The following CNTNAP4 variants were observed in gnomAD, a reference collection of about 807,000 sequenced individuals.
CNTNAP4 encodes the protein contactin associated protein family member 4.
CNTNAP4 carries 98 observed loss-of-function variants against 148.4 expected under a neutral mutation model. The observed-to-expected ratio is 0.66, with a 90% CI of 0.56 to 0.78. The LOEUF (loss-of-function observed/expected upper bound fraction) is 0.78. CNTNAP4 is among the 30% of genes least tolerant of loss of function. The pLI is 0.00. For synonymous variants in CNTNAP4, 730 were observed against 565.1 expected, an observed-to-expected ratio of 1.29 and a Z score of -4.14; for missense variants, 1,935 against 1,565.6, an observed-to-expected ratio of 1.24 and a Z score of -3.98.
chr16:76,372,014 G>A (rs1257626018), intron 3 of CNTNAP4, among the ~76,000 whole-genome samples: 1 of 152,108 alleles, frequency 6.6e-6, no homozygotes, highest in African/African-American at 2.4e-5. Context: ...TTTCCAGGGA[G>A]TCTCTGCATT....
intron 2 of CNTNAP4, among the ~76,000 whole-genome samples, chr16:76,352,292 G>A (rs1309482922): frequency 1.3e-5 from 2 of 152,080 alleles, no homozygotes; most frequent in African/African-American, 4.8e-5. Flanking sequence ...ATAGGACAGT[G>A]GAGAGAAAAA....
At chr16:76,504,309 T>C (rs1437956907) in intron 15 of CNTNAP4, among the ~76,000 whole-genome samples, 1 of 152,102 alleles carries the variant, frequency 6.6e-6, no homozygotes, top group African/African-American at 2.4e-5. Context: ...ACATGGTTGC[T>C]TGACTTTTTA....
At chr16:76,302,329 C>T (rs1015555025) in intron 1 of CNTNAP4, among the ~76,000 whole-genome samples, 2 of 152,142 alleles carry the variant, frequency 1.3e-5, no homozygotes, top group South Asian at 4.1e-4. Context: ...CCTATGATCT[C>T]ATCTAAGGCT....
intron 2 of CNTNAP4, among the ~76,000 whole-genome samples, chr16:76,341,026 C>T (rs1404306241): frequency 3.9e-5 from 6 of 152,170 alleles, no homozygotes; most frequent in Admixed American, 2.0e-4. Flanking sequence ...CCAACTATTT[C>T]GGACAAATTG....
intron 3 of CNTNAP4, among the ~76,000 whole-genome samples, chr16:76,417,548 A>C (rs2079033047): frequency 6.6e-6 from 1 of 151,674 alleles, no homozygotes; most frequent in African/African-American, 2.4e-5. Flanking sequence ...TTTGCAATAA[A>C]AATTAAATTC....
chr16:76,460,773 A>AAAAAAAAAAAAAAAAATAT, intron 8 of CNTNAP4, among the ~76,000 whole-genome samples: 1 of 57,322 alleles, frequency 1.7e-5, no homozygotes, highest in Non-Finnish European at 3.3e-5. Flanking sequence ...AAAAAAAAAA[A>AAAAAAAAAAAAAAAAATAT]ATATATATAT....
intron 21 of CNTNAP4, among the ~76,000 whole-genome samples, chr16:76,548,923 AT>A (rs2084850118): frequency 1.3e-5 from 2 of 152,208 alleles, no homozygotes; most frequent in Admixed American, 1.3e-4. Context: ...AGCTTTGCTT[AT>A]GAGCAACTTA....
chr16:76,281,922 T>G (rs1435491950), intron 1 of CNTNAP4, among the ~76,000 whole-genome samples: 1 of 151,988 alleles, frequency 6.6e-6, no homozygotes, highest in African/African-American at 2.4e-5. Context: ...ATATTAGTAT[T>G]ATATTTTGAA....
intron 1 of CNTNAP4, among the ~76,000 whole-genome samples, chr16:76,296,083 T>G (rs936716984): frequency 1.3e-5 from 2 of 152,242 alleles, no homozygotes; most frequent in African/African-American, 4.8e-5. Context: ...TGAGATTGTG[T>G]GTGATTTCTA....
At chr16:76,402,718 G>A (rs78587129) in intron 3 of CNTNAP4, among the ~76,000 whole-genome samples, 6,307 of 152,118 alleles carry the variant, frequency 0.041, 465 homozygotes, top group African/African-American at 0.15. Flanking sequence ...CCTTAGCTGC[G>A]TCCCAGAGAT....
intron 9 of CNTNAP4, 133 bp from the exon 10 acceptor site, chr16:76,467,219 T>G: frequency 1.4e-6 from 1 of 723,070 alleles, no homozygotes; most frequent in Non-Finnish European, 2.2e-6. Flanking sequence ...TAATAATGAC[T>G]GCAGTCATTA....
chr16:76,427,170 A>T lies in CNTNAP4; in HGVS notation c.391-282A>T, dbSNP rs1299818391. Among the ~76,000 whole-genome samples the T allele has an allele frequency of 2.0e-5, 3 of 152,300 alleles. No homozygotes were observed. In the East Asian group the frequency reaches 5.8e-4, roughly 29 times the overall value. On this transcript the variant is annotated intron_variant, in intron 3 of 23. Coordinates refer to ENST00000611870, the MANE Select transcript of CNTNAP4 (RefSeq NM_033401.5). ...CATGGCACATTTTTACGTTTAATCT[A>T]CACTTTACAGAAGCAATTTTTGTTA...
At chr16:76,408,951 A>G (rs181172579) in intron 3 of CNTNAP4, among the ~76,000 whole-genome samples, 288 of 152,126 alleles carry the variant, frequency 1.9e-3, no homozygotes, top group African/African-American at 6.0e-3. Context: ...GCTTATTCCT[A>G]TTCTTACAGA....
chr16:76,383,263 C>G (rs2016171793), intron 3 of CNTNAP4, among the ~76,000 whole-genome samples: 2 of 151,596 alleles, frequency 1.3e-5, no homozygotes, highest in Non-Finnish European at 2.9e-5. Context: ...AATAATGTAC[C>G]TAGAGAACAT....
chr16:76,430,720 T>G (rs903144385), intron 4 of CNTNAP4, among the ~76,000 whole-genome samples: 1 of 152,160 alleles, frequency 6.6e-6, no homozygotes, highest in Non-Finnish European at 1.5e-5. Context: ...TCAGGTGCGC[T>G]TCGCCTGAGC....
At chr16:76,557,193 T>G (rs1301586291) in intron 23 of CNTNAP4, among the ~76,000 whole-genome samples, 1 of 152,222 alleles carries the variant, frequency 6.6e-6, no homozygotes, top group South Asian at 2.1e-4. Context: ...CAAATTCAAT[T>G]TTTCATTTGA....
intron 9 of CNTNAP4, among the ~76,000 whole-genome samples, 196 bp from the exon 10 acceptor site, chr16:76,467,156 T>C (rs1663415857): frequency 6.6e-6 from 1 of 152,184 alleles, no homozygotes; most frequent in Non-Finnish European, 1.5e-5. Context: ...CTGGGAATGC[T>C]ATGTAAATAA....
At position 76,553,895 on chromosome 16, in the gene CNTNAP4, G is replaced by A. The variant is rs2085078893; in HGVS notation, c.3721G>A (p.Ala1241Thr). ...PLANAIKSDS[A>T]VIGGLIAVVI... The stretch of plus-strand genomic sequence containing the variant: ...TGCTAATGCAATCAAAAGTGACTCT[G>A]CAGTAATTGGAGGTAATAAGAAGCA... The change falls in exon 23 of 24, where the codon GCA (alanine) becomes ACA (threonine). Residue 1241 changes from alanine (A) to threonine (T), a missense_variant. By Grantham distance (58) the Ala-to-Thr change is moderately conservative. Transcript: ENST00000611870. The A allele has an allele frequency of 6.2e-7, 1 of 1,602,124 alleles. No individual in the cohort carries two copies. Among genetic ancestry groups the A allele is most frequent in the Non-Finnish European group, 8.6e-7 (1 of 1,169,526 alleles).
intron 3 of CNTNAP4, 71 bp from the exon 4 acceptor site, chr16:76,427,381 A>G (rs2079446519): frequency 7.5e-7 from 1 of 1,332,840 alleles, no homozygotes; most frequent in Non-Finnish European, 1.0e-6. Flanking sequence ...TTGCTAATAG[A>G]CATTATAGGT....
Sources: gnomAD v4.1 joint callset for allele counts (sites outside exome capture counted in the v4.1 genomes callset) on GRCh38, gnomAD v4.1.1 for gene constraint, MANE v1.5 for transcripts, NCBI Gene and HGNC (gene_info 2026-07-23, HGNC 2026-07-21) for gene names.